Variants in GRID1 observed in about 807,000 individuals in gnomAD.
The protein encoded by GRID1 is glutamate receptor ionotropic, delta-1.
A neutral mutation model predicts 98.0 loss-of-function variants in GRID1; 28 were observed. The ratio of observed to expected loss-of-function variants is 0.29; its 90% CI spans 0.21 to 0.39. The LOEUF is 0.39. Ranked by LOEUF, GRID1 falls within the 10% of genes least tolerant of loss-of-function variation. The pLI is 1.00. For synonymous variants in GRID1, 553 were observed against 538.5 expected, an observed-to-expected ratio of 1.03 and a Z score of -0.37; for missense variants, 1,111 against 1,340.5, an observed-to-expected ratio of 0.83 and a Z score of 2.67.
chr10:85,740,404 T>G (rs1232685252), intron 8 of GRID1, among the ~76,000 whole-genome samples: 2 of 152,232 alleles, frequency 1.3e-5, no homozygotes, highest in Admixed American at 1.3e-4. Flanking sequence ...TTGACCCGAA[T>G]TAATGACCCT....
At chr10:86,185,284 A>T (rs1421898902) in intron 3 of GRID1, among the ~76,000 whole-genome samples, 1 of 152,062 alleles carries the variant, frequency 6.6e-6, no homozygotes, top group East Asian at 1.9e-4. Flanking sequence ...TCAATTGTTC[A>T]TTGCTAGTAT....
intron 2 of GRID1, among the ~76,000 whole-genome samples, chr10:86,324,951 G>A (rs1238862309): frequency 2.0e-5 from 3 of 151,822 alleles, no homozygotes; most frequent in Admixed American, 2.0e-4. Flanking sequence ...TAGAATTCAA[G>A]GTGGAAGCAC....
At chr10:85,934,127 C>CAG (rs1841895098) in intron 4 of GRID1, among the ~76,000 whole-genome samples, 1 of 152,032 alleles carries the variant, frequency 6.6e-6, no homozygotes, top group African/African-American at 2.4e-5. Flanking sequence ...ATAGTGCATG[C>CAG]AGTCTGTGGA....
At chr10:86,024,355 C>T (rs1843088815) in intron 4 of GRID1, among the ~76,000 whole-genome samples, 1 of 152,208 alleles carries the variant, frequency 6.6e-6, no homozygotes, top group Non-Finnish European at 1.5e-5. Flanking sequence ...GTTCCCCAGG[C>T]AGCAATCACG....
intron 12 of GRID1, among the ~76,000 whole-genome samples, chr10:85,678,102 C>T (rs919405637): frequency 2.0e-5 from 3 of 152,162 alleles, no homozygotes; most frequent in African/African-American, 7.2e-5. Context: ...AACCCTCAGA[C>T]TCTAAGTTGG....
At chr10:85,771,509 T>G (rs1415478582) in intron 8 of GRID1, among the ~76,000 whole-genome samples, 1 of 152,182 alleles carries the variant, frequency 6.6e-6, no homozygotes, top group East Asian at 1.9e-4. Flanking sequence ...AATGCTCCAA[T>G]TAAAAGACAC....
chr10:85,647,053 C>T (rs1305685535), intron 13 of GRID1, 149 bp downstream of exon 13: 2 of 684,428 alleles, frequency 2.9e-6, no homozygotes, highest in Non-Finnish European at 5.2e-6. Context: ...TCTGAAAGGG[C>T]ATCCACCTAA....
chr10:85,736,091 AAG>A (rs1841879447), intron 8 of GRID1, among the ~76,000 whole-genome samples: 1 of 139,748 alleles, frequency 7.2e-6, no homozygotes, highest in Non-Finnish European at 1.6e-5. Flanking sequence ...AGAAGGAAGG[AAG>A]GAAGGAGAGA....
chr10:85,950,368 G>T (rs1225714817), intron 4 of GRID1, among the ~76,000 whole-genome samples: 1 of 152,180 alleles, frequency 6.6e-6, no homozygotes, highest in East Asian at 1.9e-4. Context: ...TTAATAGCAC[G>T]TGCTAGCCAG....
chr10:86,105,004 G>A (rs1367145750), intron 4 of GRID1, among the ~76,000 whole-genome samples: 1 of 152,194 alleles, frequency 6.6e-6, no homozygotes, highest in Non-Finnish European at 1.5e-5. Context: ...TAATTCACCT[G>A]ACAAATCAAT....
intron 12 of GRID1, among the ~76,000 whole-genome samples, chr10:85,685,052 C>G (rs1033627799): frequency 1.3e-5 from 2 of 152,114 alleles, no homozygotes; most frequent in Non-Finnish European, 2.9e-5. Flanking sequence ...TCTACAGCAC[C>G]CATGATAGCT....
chr10:85,723,284 G>A (rs1841725003), intron 11 of GRID1, 143 bp from the exon 12 acceptor site: 1 of 745,822 alleles, frequency 1.3e-6, no homozygotes, highest in African/African-American at 1.8e-5. Flanking sequence ...AGCTGGGTCT[G>A]GGCATCTGTG....
At chr10:86,169,973 G>A (rs975186383) in intron 3 of GRID1, among the ~76,000 whole-genome samples, 7 of 152,202 alleles carry the variant, frequency 4.6e-5, no homozygotes, top group South Asian at 2.1e-4. Flanking sequence ...AAAGCGCCCC[G>A]TGCAAGCCAC....
chr10:86,200,506 G>T (rs1845932015), intron 3 of GRID1, among the ~76,000 whole-genome samples: 1 of 152,224 alleles, frequency 6.6e-6, no homozygotes, highest in Non-Finnish European at 1.5e-5. Flanking sequence ...CCAGGCCATA[G>T]CTGTGGACAC....
chr10:86,295,161 G>T (rs1847570022), intron 2 of GRID1, among the ~76,000 whole-genome samples: 1 of 152,240 alleles, frequency 6.6e-6, no homozygotes, highest in Admixed American at 6.5e-5. Flanking sequence ...GTAAGTGGGT[G>T]GGGGAGCGGC....
chr10:86,239,390 G>A (rs894374474), intron 2 of GRID1, among the ~76,000 whole-genome samples: 1 of 152,222 alleles, frequency 6.6e-6, no homozygotes, highest in African/African-American at 2.4e-5. Flanking sequence ...TCTCAGATGA[G>A]ACTTTGGACT....
At chr10:86,164,168 C>T (rs1198601958) in intron 3 of GRID1, among the ~76,000 whole-genome samples, 2 of 152,164 alleles carry the variant, frequency 1.3e-5, no homozygotes, top group South Asian at 2.1e-4. Context: ...TTTTATCTAA[C>T]GATGACATTT....
intron 3 of GRID1, among the ~76,000 whole-genome samples, chr10:86,179,681 G>A (rs1468179446): frequency 6.6e-6 from 1 of 152,208 alleles, no homozygotes; most frequent in East Asian, 1.9e-4. Context: ...ACGAACCTCA[G>A]GGCCACAGCC....
intron 8 of GRID1, among the ~76,000 whole-genome samples, chr10:85,759,288 T>C (rs1474484109): frequency 1.3e-5 from 2 of 152,184 alleles, no homozygotes; most frequent in African/African-American, 2.4e-5. Flanking sequence ...CCCAGTATGA[T>C]GGACCATAGA....
Sources: allele counts gnomAD v4.1 joint callset (sites outside exome capture counted in the v4.1 genomes callset), GRCh38; gene constraint gnomAD v4.1.1; transcripts MANE v1.5; gene names NCBI Gene and HGNC (gene_info 2026-07-23, HGNC 2026-07-21).